MYO18B: variants seen among roughly 807,000 people sequenced by gnomAD.
The protein encoded by MYO18B is unconventional myosin-XVIIIb.
MYO18B carries 204 observed loss-of-function variants against 273.0 expected under a neutral mutation model. That is an observed-to-expected ratio of 0.75 (90% CI 0.67 to 0.84). The LOEUF is 0.84. Among genes scored for constraint, MYO18B ranks in the 40% least tolerant of loss-of-function variants. The probability of loss-of-function intolerance (pLI) is 0.00; values close to 1 mark genes in which losing one functional copy is unlikely to be tolerated. For synonymous variants in MYO18B, 1,330 were observed against 1,305.7 expected, an observed-to-expected ratio of 1.02 and a Z score of -0.40; for missense variants, 3,212 against 3,287.6, an observed-to-expected ratio of 0.98 and a Z score of 0.56.
At chr22:25,914,369 A>C (rs5761311) in intron 33 of MYO18B, among the ~76,000 whole-genome samples, 59,166 of 151,970 alleles carry the variant, frequency 0.39, 12,013 homozygotes, top group Non-Finnish European at 0.43. Flanking sequence ...ATATTATTGC[A>C]TATGCCCTCT....
At chr22:25,805,030 G>A (rs2088403295) in intron 12 of MYO18B, among the ~76,000 whole-genome samples, 1 of 152,158 alleles carries the variant, frequency 6.6e-6, no homozygotes, top group African/African-American at 2.4e-5. Flanking sequence ...CTCCTCTGGT[G>A]TCTGGAGGTC....
At chr22:26,036,136 G>A in the MYO18B span, among the ~76,000 whole-genome samples, 82 of 152,316 alleles carry the variant, frequency 5.4e-4, no homozygotes, top group African/African-American at 1.8e-3. Flanking sequence ...GGATGCAGCC[G>A]TAGAAGGCTC....
intron 25 of MYO18B, among the ~76,000 whole-genome samples, chr22:25,885,514 G>T (rs1247970444): frequency 6.6e-6 from 1 of 152,144 alleles, no homozygotes; most frequent in Non-Finnish European, 1.5e-5. Context: ...AGCAGAACCT[G>T]GTCTGGCAGG....
chr22:25,956,507 C>T (rs935793296), intron 39 of MYO18B, among the ~76,000 whole-genome samples: 1 of 152,166 alleles, frequency 6.6e-6, no homozygotes, highest in Non-Finnish European at 1.5e-5. Flanking sequence ...TGAGCCACTG[C>T]GCCCGGCCCC....
intron 13 of MYO18B, among the ~76,000 whole-genome samples, chr22:25,825,666 G>A (rs1177214797): frequency 1.3e-5 from 2 of 152,092 alleles, no homozygotes; most frequent in East Asian, 3.9e-4. Flanking sequence ...CTGACTTTAA[G>A]CATTCCTTTG....
intron 31 of MYO18B, among the ~76,000 whole-genome samples, chr22:25,905,379 C>G (rs759949095): frequency 5.3e-5 from 8 of 152,206 alleles, no homozygotes; most frequent in Non-Finnish European, 1.2e-4. Flanking sequence ...ATCATGCACT[C>G]TGTGGATGCT....
At chr22:25,965,963 G>A (rs1039491135) in intron 39 of MYO18B, among the ~76,000 whole-genome samples, 1 of 152,164 alleles carries the variant, frequency 6.6e-6, no homozygotes, top group Non-Finnish European at 1.5e-5. Flanking sequence ...AAGTCTCATC[G>A]CTCACTGACT....
intron 39 of MYO18B, among the ~76,000 whole-genome samples, chr22:25,973,818 G>A (rs921640436): frequency 3.3e-5 from 5 of 152,174 alleles, no homozygotes; most frequent in Non-Finnish European, 7.4e-5. Flanking sequence ...TGGACCACAT[G>A]CCACTTCCTT....
chr22:26,034,654 GA>G (rs1936744175), downstream of MYO18B, among the ~76,000 whole-genome samples: 1 of 152,168 alleles, frequency 6.6e-6, no homozygotes, highest in African/African-American at 2.4e-5. Context: ...TGGTGGTCAT[GA>G]ATCCATGTGG....
chr22:25,863,597 C>T (rs1475355636), intron 21 of MYO18B, among the ~76,000 whole-genome samples: 4 of 152,294 alleles, frequency 2.6e-5, no homozygotes, highest in East Asian at 1.9e-4. Flanking sequence ...CCAGGAGTTG[C>T]GCCTATGTCT....
At chr22:26,026,421 A>G (rs1416259418) in intron 42 of MYO18B, 24 bp from the exon 43 acceptor site, 2 of 1,582,220 alleles carry the variant, frequency 1.3e-6, no homozygotes, top group South Asian at 2.3e-5. Flanking sequence ...ATTTCTACAG[A>G]CTGCATTTTT....
Position 25,770,886 on chromosome 22 carries a change from C to G in MYO18B, c.1594C>G (p.Pro532Ala). 1 of 1,551,940 alleles carries G rather than the reference C, an allele frequency of 6.4e-7. No homozygotes were observed. The highest frequency in any genetic ancestry group is 8.7e-7 in the Non-Finnish European group (1 of 1,147,046). ...TGTCCAACCAGCTACGGTGCTAAAG[C>G]CAGATGAGGGAACAGCAGACCTGCC... is the stretch of plus-strand genomic sequence containing the variant. The part of the protein sequence containing the change: ...DGFTLATVLK[P>A]DEGTADLPAG... The change falls in exon 6 of 44, where the codon CCA becomes GCA. Residue 532 changes from proline (P) to alanine (A), a missense_variant. By Grantham distance (27) the Pro-to-Ala change is conservative. Coordinates refer to ENST00000335473, the MANE Select transcript of MYO18B (RefSeq NM_032608.7).
chr22:25,863,213 CATT>C (rs1441575606), intron 21 of MYO18B, among the ~76,000 whole-genome samples: 1 of 152,124 alleles, frequency 6.6e-6, no homozygotes, highest in African/African-American at 2.4e-5. Flanking sequence ...TTTAAGGAGT[CATT>C]ATTATTACAC....
At chr22:25,843,103 C>T (rs777150380) in intron 17 of MYO18B, among the ~76,000 whole-genome samples, 1 of 152,144 alleles carries the variant, frequency 6.6e-6, no homozygotes, top group African/African-American at 2.4e-5. Context: ...CAGAGACTTA[C>T]GGGGCTTGGC....
intron 19 of MYO18B, 87 bp from the exon 20 acceptor site, chr22:25,847,343 G>T: frequency 8.1e-7 from 1 of 1,233,320 alleles, no homozygotes; most frequent in Non-Finnish European, 1.1e-6. Context: ...TGCTCAGGTT[G>T]GGCTTAATGA....
rs2091242703 is a variant in MYO18B, at chr22:25,877,872, A to C, written c.4225-87A>C. 7.8e-6 allele frequency: 8 copies of C among 1,024,418 alleles called. No individual in the cohort carries two copies. In the South Asian group the frequency reaches 1.2e-4, roughly 16 times the overall value. 63.5% of individuals were successfully genotyped at this position (1,024,418 alleles called of 1,614,324 possible). A position where few individuals can be genotyped will look rare whatever the true frequency, so the allele number is the denominator to read the frequency against. ...GCTAAGGTTTATTCCTCCTAACGGA[A>C]ACTTTGTGCCGTTTGCTCACTCCTA... On this transcript the variant is annotated intron_variant, in intron 24 of 43. Transcript: ENST00000335473.
intron 39 of MYO18B, among the ~76,000 whole-genome samples, chr22:25,972,098 G>A (rs553339164): frequency 7.1e-4 from 107 of 150,708 alleles, no homozygotes; most frequent in African/African-American, 2.5e-3. Context: ...CTGGGTGACA[G>A]AGTGAGACTG....
At chr22:26,058,913 A>G in the MYO18B span, among the ~76,000 whole-genome samples, 1 of 152,202 alleles carries the variant, frequency 6.6e-6, no homozygotes, top group African/African-American at 2.4e-5. Context: ...ATGGACTAAG[A>G]CATGGACAAA....
At chr22:25,969,811 TG>T (rs1486792722) in intron 39 of MYO18B, among the ~76,000 whole-genome samples, 7 of 152,236 alleles carry the variant, frequency 4.6e-5, no homozygotes, top group Admixed American at 1.3e-4. Context: ...ACTCATAAAA[TG>T]GAGACAATTA....
Sources: gnomAD v4.1 joint callset for allele counts (sites outside exome capture counted in the v4.1 genomes callset) on GRCh38, gnomAD v4.1.1 for gene constraint, MANE v1.5 for transcripts, NCBI Gene and HGNC (gene_info 2026-07-23, HGNC 2026-07-21) for gene names.